TLE4: variants seen among roughly 807,000 people sequenced by gnomAD.
TLE4 encodes TLE family member 4, transcriptional corepressor, also known as transducin-like enhancer protein 4.
Under a neutral mutation model 92.8 loss-of-function variants are expected in TLE4, and 8 were observed. The ratio of observed to expected loss-of-function variants is 0.09; its 90% CI spans 0.05 to 0.16. TLE4 has a LOEUF of 0.16. Among genes scored for constraint, TLE4 ranks in the 10% least tolerant of loss-of-function variants. TLE4 has a pLI of 1.00. For synonymous variants in TLE4, 371 were observed against 374.1 expected (o/e 0.99, Z 0.10); for missense variants, 675 against 997.6 (o/e 0.68, Z 4.36).
intron 8 of TLE4, among the ~76,000 whole-genome samples, chr9:79,681,697 T>A (rs1377486620): frequency 6.6e-6 from 1 of 151,752 alleles, no homozygotes; most frequent in Non-Finnish European, 1.5e-5. Context: ...AAGAAAAATA[T>A]GCTACATATT....
intron 8 of TLE4, among the ~76,000 whole-genome samples, chr9:79,674,214 T>C (rs974813615): frequency 2.0e-5 from 3 of 152,192 alleles, no homozygotes; most frequent in African/African-American, 7.2e-5. Flanking sequence ...TTTATGACCT[T>C]GGACATGAAT....
At chr9:79,618,947 C>T (rs2050307526) in intron 5 of TLE4, among the ~76,000 whole-genome samples, 1 of 151,956 alleles carries the variant, frequency 6.6e-6, no homozygotes, top group Non-Finnish European at 1.5e-5. Context: ...AAATGGAAAC[C>T]TTCCATTTTT....
intron 6 of TLE4, among the ~76,000 whole-genome samples, chr9:79,649,002 CCATCGTGATGA>C (rs2134109493): frequency 6.6e-6 from 1 of 152,188 alleles, no homozygotes; most frequent in South Asian, 2.1e-4. Context: ...GAAAGGCTGG[CCATCGTGATGA>C]TTTCAGTGTT....
intron 6 of TLE4, among the ~76,000 whole-genome samples, chr9:79,648,261 G>T (rs1382347511): frequency 2.0e-5 from 3 of 152,116 alleles, no homozygotes; most frequent in Non-Finnish European, 4.4e-5. Context: ...TATGTTTAGG[G>T]AACTGAGCTA....
At chr9:79,581,204 A>C (rs1265657668) in intron 4 of TLE4, among the ~76,000 whole-genome samples, 1 of 152,150 alleles carries the variant, frequency 6.6e-6, no homozygotes, top group Non-Finnish European at 1.5e-5. Context: ...TGTAGGTTTT[A>C]AATTAGATTT....
At position 79,719,042 on chromosome 9, in the gene TLE4, A is replaced by G. The variant is rs554289119; in HGVS notation, c.1590+71A>G. The G allele has an allele frequency of 3.9e-6, 6 of 1,545,646 alleles. No individual in the cohort carries two copies. The African/African-American group carries it at 4.1e-5, about 11-fold the overall frequency. ...CAGGAGGGGCTGATGAGAGAACTGT[A>G]TGTATGAGCAACACCACACAGTATT... On this transcript the variant is annotated intron_variant, in intron 15 of 19. Transcript: ENST00000376552.
chr9:79,620,745 G>A (rs1564433190), intron 5 of TLE4, among the ~76,000 whole-genome samples: 1 of 152,164 alleles, frequency 6.6e-6, no homozygotes, highest in Non-Finnish European at 1.5e-5. Flanking sequence ...CTGAGACTGG[G>A]TAATTTATAA....
intron 6 of TLE4, among the ~76,000 whole-genome samples, chr9:79,639,222 C>T (rs2133888537): frequency 6.6e-6 from 1 of 152,078 alleles, no homozygotes; most frequent in South Asian, 2.1e-4. Flanking sequence ...CTATCCATCC[C>T]TGGACTTGTA....
intron 4 of TLE4, among the ~76,000 whole-genome samples, chr9:79,592,183 C>CTCTTCTTCTTCTTCTTCTTCTTCT (rs57278935): frequency 7.4e-6 from 1 of 135,284 alleles, no homozygotes; most frequent in Non-Finnish European, 1.6e-5. Context: ...CTTCCTCTTC[C>CTCTTCTTCTTCTTCTTCTTCTTCT]TCTTCTTCTT....
At chr9:79,724,900 A>T (rs1020928799) in intron 19 of TLE4, 137 bp from the exon 20 acceptor site, 4 of 443,686 alleles carry the variant, frequency 9.0e-6, no homozygotes, top group African/African-American at 2.2e-5. Context: ...ACTGTCCATG[A>T]CCACCTTTCA....
chr9:79,714,806 A>G (rs1433846044), intron 14 of TLE4, among the ~76,000 whole-genome samples: 1 of 152,194 alleles, frequency 6.6e-6, no homozygotes, highest in Non-Finnish European at 1.5e-5. Flanking sequence ...TACTTAACAC[A>G]TTGTGCATTA....
chr9:79,651,058 T>G (rs1030457357), intron 6 of TLE4, among the ~76,000 whole-genome samples: 1 of 150,166 alleles, frequency 6.7e-6, no homozygotes, highest in Non-Finnish European at 1.5e-5. Flanking sequence ...TCTCTCTCTC[T>G]CTCTCTCTCT....
At chr9:79,584,262 C>A (rs902094509) in intron 4 of TLE4, among the ~76,000 whole-genome samples, 2 of 152,176 alleles carry the variant, frequency 1.3e-5, no homozygotes, top group Non-Finnish European at 2.9e-5. Flanking sequence ...AGTGTTACAC[C>A]GTCATCTCTA....
At chr9:79,591,955 G>A (rs962861973) in intron 4 of TLE4, among the ~76,000 whole-genome samples, 3 of 152,120 alleles carry the variant, frequency 2.0e-5, no homozygotes, top group Non-Finnish European at 4.4e-5. Context: ...CATCTCTCCT[G>A]CCAAATTTAT....
rs191363885 is a variant in TLE4, at chr9:79,682,075, G to A, written c.610-22708G>A. Reference sequence around the variant, plus strand: ...AGATTCAGCACATTGGCAGTTGGTTGGAGTTTGGATCTGGAAGCATCCTAT... The same window carrying A: ...AGATTCAGCACATTGGCAGTTGGTTAGAGTTTGGATCTGGAAGCATCCTAT... On this transcript the variant is annotated intron_variant, in intron 8 of 19. Transcript: ENST00000376552. Among the ~76,000 whole-genome samples the A allele has an allele frequency of 2.6e-4, 40 of 152,092 alleles. 1 individual carries two copies. The highest frequency in any genetic ancestry group is 6.8e-3 in the Middle Eastern group (2 of 294).
At chr9:79,631,616 ATGTGTGTGTGTGTGTGTG>A (rs57129541) in intron 6 of TLE4, among the ~76,000 whole-genome samples, 18 of 118,232 alleles carry the variant, frequency 1.5e-4, no homozygotes, top group East Asian at 5.5e-4. Context: ...TGAACCTTAA[ATGTGTGTGTGTGTGTGTG>A]TGTGTGTGTG....
intron 5 of TLE4, among the ~76,000 whole-genome samples, chr9:79,624,167 C>T (rs1564457487): frequency 1.1e-5 from 1 of 91,130 alleles, no homozygotes; most frequent in Non-Finnish European, 2.2e-5. Flanking sequence ...CTTGTTAAAA[C>T]CCGAAAATGG....
chr9:79,629,778 T>A (rs1024700615), intron 6 of TLE4, among the ~76,000 whole-genome samples: 2 of 152,174 alleles, frequency 1.3e-5, no homozygotes, highest in Non-Finnish European at 2.9e-5. Context: ...AAGAGCTCAG[T>A]TACAAACTCA....
chr9:79,708,708 G>A lies in TLE4; in HGVS notation c.1185G>A (p.Gly395=), dbSNP rs750432999. Residue 395 remains glycine, a synonymous_variant, in exon 13 of 20, where the codon GGG becomes GGA. Coordinates refer to ENST00000376552, the MANE Select transcript of TLE4 (RefSeq NM_007005.6). The part of the protein sequence containing the change: ...ELTSPGAAYA[G]LHNISPQMSA... Reference sequence around the variant, plus strand: ...CCAGCCCCGGAGCGGCCTACGCTGGGCTCCACAACATCTCCCCTCAGATGA... The same window carrying A: ...CCAGCCCCGGAGCGGCCTACGCTGGACTCCACAACATCTCCCCTCAGATGA... 1.2e-6 allele frequency: 2 copies of A among 1,613,278 alleles called. No individual in the cohort carries two copies. Among genetic ancestry groups the A allele is most frequent in the South Asian group, 1.1e-5 (1 of 91,084 alleles).
Sources: allele counts gnomAD v4.1 joint callset (sites outside exome capture counted in the v4.1 genomes callset), GRCh38; gene constraint gnomAD v4.1.1; transcripts MANE v1.5; gene names NCBI Gene and HGNC (gene_info 2026-07-23, HGNC 2026-07-21).